The following HK2 variants were observed in gnomAD, a reference collection of about 807,000 sequenced individuals.
The protein encoded by HK2 is hexokinase-2.
A neutral mutation model predicts 92.9 loss-of-function variants in HK2; 42 were observed. The ratio of observed to expected loss-of-function variants is 0.45; its 90% CI spans 0.35 to 0.58. HK2 has a LOEUF of 0.58. Ranked by LOEUF, HK2 falls within the 20% of genes least tolerant of loss-of-function variation. The probability of loss-of-function intolerance (pLI) is 0.00; values close to 1 mark genes in which losing one functional copy is unlikely to be tolerated. For missense variants in HK2, 978 were observed against 1,245.1 expected (o/e 0.79, Z 3.23); for synonymous variants, 422 against 468.0 (o/e 0.90, Z 1.27).
At chr2:74,863,018 A>G (rs1182290461) in intron 2 of HK2, among the ~76,000 whole-genome samples, 3 of 152,230 alleles carry the variant, frequency 2.0e-5, no homozygotes, top group African/African-American at 7.2e-5. Context: ...TAAAAAGCTG[A>G]ACATGCTCAG....
At chr2:74,847,511 C>T (rs533701889) in intron 1 of HK2, among the ~76,000 whole-genome samples, 1 of 152,122 alleles carries the variant, frequency 6.6e-6, no homozygotes, top group African/African-American at 2.4e-5. Flanking sequence ...GACTCTGTCT[C>T]TACAGAAAAA....
At chr2:74,854,777 G>A (rs1688655879) in intron 2 of HK2, among the ~76,000 whole-genome samples, 1 of 152,210 alleles carries the variant, frequency 6.6e-6, no homozygotes, top group Non-Finnish European at 1.5e-5. Flanking sequence ...CGCAGTGATG[G>A]TGATGAACTA....
Position 74,867,737 on chromosome 2 carries a change from C to A in HK2, c.328C>A (p.Gln110Lys), listed in dbSNP as rs1265264673. The A allele has an allele frequency of 6.2e-7, 1 of 1,614,156 alleles. No homozygotes were observed. Among genetic ancestry groups the A allele is most frequent in the Non-Finnish European group, 8.5e-7 (1 of 1,180,020 alleles). ...NGLQKVEMENQIYAIPEDIMR... is the reference protein window; with the variant it reads ...NGLQKVEMENKIYAIPEDIMR... ...GCTCCAGAAGGTGGAGATGGAGAAT[C>A]AGATCTATGCCATCCCTGAGGACAT... The change falls in exon 3 of 18, where the codon CAG (glutamine) becomes AAG (lysine). Residue 110 changes from glutamine to lysine, a missense_variant. By Grantham distance (53) the Gln-to-Lys change is moderately conservative. Around this residue, in one of 3 missense-constraint regions of HK2, gnomAD observed 189 missense variants for 289.5 expected, o/e 0.65. Transcript: ENST00000290573.
At chr2:74,881,979 A>C in intron 11 of HK2, 120 bp downstream of exon 11, 1 of 1,422,558 alleles carries the variant, frequency 7.0e-7, no homozygotes, top group South Asian at 1.2e-5. Flanking sequence ...CCAGGGCTGC[A>C]GCCTGGTCTT....
At chr2:74,876,393 A>G (rs1418436679) in intron 7 of HK2, among the ~76,000 whole-genome samples, 1 of 152,252 alleles carries the variant, frequency 6.6e-6, no homozygotes, top group South Asian at 2.1e-4. Context: ...TTTGTCAAAA[A>G]GAATTATCAC....
chr2:74,883,856 A>G (rs1269787237), intron 12 of HK2, among the ~76,000 whole-genome samples: 2 of 152,252 alleles, frequency 1.3e-5, no homozygotes, highest in Non-Finnish European at 2.9e-5. Flanking sequence ...TAAATAAATT[A>G]TGACCCACTT....
intron 16 of HK2, among the ~76,000 whole-genome samples, chr2:74,888,374 G>A (rs144718430): frequency 6.6e-6 from 1 of 152,224 alleles, no homozygotes; most frequent in Admixed American, 6.5e-5. Context: ...CACAGAGGAA[G>A]ATAACCTATT....
At chr2:74,887,199 T>G in intron 15 of HK2, among the ~76,000 whole-genome samples, 1 of 152,216 alleles carries the variant, frequency 6.6e-6, no homozygotes, top group East Asian at 1.9e-4. Flanking sequence ...TCAAACACCC[T>G]AGTCCTGCAG....
At chr2:74,887,775 T>C (rs1321946931) in intron 15 of HK2, 128 bp from the exon 16 acceptor site, 4 of 838,984 alleles carry the variant, frequency 4.8e-6, no homozygotes, top group Non-Finnish European at 8.2e-6. Flanking sequence ...TAGCAATTCC[T>C]TTCCCATCAG....
intron 2 of HK2, among the ~76,000 whole-genome samples, chr2:74,860,469 G>A (rs1283751713): frequency 6.6e-6 from 1 of 152,146 alleles, no homozygotes; most frequent in Admixed American, 6.5e-5. Flanking sequence ...CCACATATGT[G>A]AGTTTTGCCT....
At chr2:74,861,866 G>A (rs1477517190) in intron 2 of HK2, among the ~76,000 whole-genome samples, 2 of 152,224 alleles carry the variant, frequency 1.3e-5, no homozygotes, top group Non-Finnish European at 2.9e-5. Flanking sequence ...GTCTTGGCAA[G>A]ATCGTTTGGT....
At chr2:74,841,610 G>T (rs1371269486) in intron 1 of HK2, among the ~76,000 whole-genome samples, 1 of 152,146 alleles carries the variant, frequency 6.6e-6, no homozygotes, top group Non-Finnish European at 1.5e-5. Flanking sequence ...TACAAAAGAC[G>T]AACTTAAGAT....
intron 2 of HK2, among the ~76,000 whole-genome samples, chr2:74,855,101 A>T (rs1688664563): frequency 6.6e-6 from 1 of 152,118 alleles, no homozygotes; most frequent in Non-Finnish European, 1.5e-5. Context: ...GGTTCAAGTG[A>T]TTCTCCTGCC....
At chr2:74,866,832 T>G (rs542686792) in intron 2 of HK2, among the ~76,000 whole-genome samples, 5 of 152,308 alleles carry the variant, frequency 3.3e-5, no homozygotes, top group African/African-American at 9.6e-5. Flanking sequence ...CTTGCCTTAT[T>G]CACCAGGCCT....
chr2:74,851,217 C>G (rs1472675910), intron 1 of HK2, among the ~76,000 whole-genome samples: 2 of 152,212 alleles, frequency 1.3e-5, no homozygotes, highest in African/African-American at 2.4e-5. Context: ...CCCTCATTAC[C>G]CAAGTGATCT....
chr2:74,886,029 TA>T lies in HK2; in HGVS notation c.1936-253del, dbSNP rs111714150. Among the ~76,000 whole-genome samples the T allele has an allele frequency of 3.0e-3, 433 of 143,534 alleles. 1 individual carries two copies. Among genetic ancestry groups the T allele is most frequent in the Middle Eastern group, 7.1e-3 (2 of 280 alleles). 94.2% of individuals were successfully genotyped at this position (143,534 alleles called of 152,430 possible). A position where few individuals can be genotyped will look rare whatever the true frequency, so the allele number is the denominator to read the frequency against. The stretch of plus-strand genomic sequence containing the variant: ...TTCCCTTTTTAGACCATATAGAGTT[TA>T]AAAAAAAAAAAGAAAGAAAAGGAGT... On this transcript the variant is annotated intron_variant, in intron 13 of 17. Transcript: ENST00000290573.
intron 2 of HK2, among the ~76,000 whole-genome samples, chr2:74,866,945 G>A (rs532797243): frequency 6.6e-6 from 1 of 152,226 alleles, no homozygotes; most frequent in Admixed American, 6.5e-5. Flanking sequence ...ATTTAGTACT[G>A]CAATTGCAAT....
chr2:74,847,792 A>G (rs1301781495), intron 1 of HK2, among the ~76,000 whole-genome samples: 1 of 152,206 alleles, frequency 6.6e-6, no homozygotes, highest in Non-Finnish European at 1.5e-5. Flanking sequence ...AGTCGTTTTC[A>G]TCCCATCGGC....
chr2:74,840,649 C>T (rs151213936), intron 1 of HK2, among the ~76,000 whole-genome samples: 21,147 of 147,930 alleles, frequency 0.14, 1,762 homozygotes, highest in East Asian at 0.24. Context: ...GGGCGGATCA[C>T]GAGGTCAGGA....
Sources: allele counts gnomAD v4.1 joint callset (sites outside exome capture counted in the v4.1 genomes callset), GRCh38; gene constraint gnomAD v4.1.1; regional missense constraint gnomAD v4.1.1; transcripts MANE v1.5; gene names NCBI Gene and HGNC (gene_info 2026-07-23, HGNC 2026-07-21).